UGT1A8: variants seen among roughly 807,000 people sequenced by gnomAD.
UGT1A8 encodes the protein UDP-glucuronosyltransferase 1A8.
In UGT1A8, 39 loss-of-function variants were observed where a neutral mutation model predicts 45.3. That is an observed-to-expected ratio of 0.86 (90% CI 0.67 to 1.12). The LOEUF (loss-of-function observed/expected upper bound fraction) is 1.12, where lower values mean the gene tolerates loss of function less well. Among genes scored for constraint, UGT1A8 ranks in the 50% most tolerant of loss-of-function variants. The pLI is 0.00. For synonymous variants in UGT1A8, 275 were observed against 249.2 expected, an observed-to-expected ratio of 1.10 and a Z score of -0.97; for missense variants, 719 against 664.9, an observed-to-expected ratio of 1.08 and a Z score of -0.90.
intron 1 of UGT1A8, among the ~76,000 whole-genome samples, chr2:233,656,730 TC>T (rs1163395093): frequency 2.6e-5 from 4 of 152,114 alleles, no homozygotes; most frequent in African/African-American, 9.7e-5. Context: ...CAGCCTTCTG[TC>T]CCGTCGTGGC....
At chr2:233,692,272 C>T (rs1301139885) in intron 1 of UGT1A8, 1 of 152,396 alleles carries the variant, frequency 6.6e-6, no homozygotes, top group Non-Finnish European at 1.5e-5. Context: ...TGTACTTTTT[C>T]CTCTGGCTAT....
chr2:233,700,401 A>G (rs1465367852), intron 1 of UGT1A8, among the ~76,000 whole-genome samples: 1 of 152,186 alleles, frequency 6.6e-6, no homozygotes, highest in Non-Finnish European at 1.5e-5. Flanking sequence ...ACATTTTGGC[A>G]GCAGTGTTTC....
At chr2:233,632,509 C>G (rs978740737) in intron 1 of UGT1A8, among the ~76,000 whole-genome samples, 1 of 152,106 alleles carries the variant, frequency 6.6e-6, no homozygotes. Context: ...CTCTTATTTA[C>G]TTGAGCAGTG....
chr2:233,732,433 A>G (rs1308918063), intron 1 of UGT1A8, among the ~76,000 whole-genome samples: 1 of 152,164 alleles, frequency 6.6e-6, no homozygotes, highest in African/African-American at 2.4e-5. Flanking sequence ...TAGGATTTTT[A>G]TGGTTTTAGG....
chr2:233,694,567 T>C (rs1308269202), intron 1 of UGT1A8, among the ~76,000 whole-genome samples: 1 of 152,220 alleles, frequency 6.6e-6, no homozygotes, highest in Non-Finnish European at 1.5e-5. Context: ...GAGTTTTAAA[T>C]TTCAATGTAA....
At chr2:233,746,624 G>C (rs934218336) in intron 1 of UGT1A8, among the ~76,000 whole-genome samples, 2 of 151,670 alleles carry the variant, frequency 1.3e-5, no homozygotes, top group Non-Finnish European at 2.9e-5. Context: ...CTCCTTTCAG[G>C]CAAGGACCAT....
intron 1 of UGT1A8, among the ~76,000 whole-genome samples, chr2:233,686,913 G>C (rs2074811848): frequency 6.6e-6 from 1 of 152,180 alleles, no homozygotes; most frequent in South Asian, 2.1e-4. Flanking sequence ...CAACAAGAAA[G>C]GGCATCCCAC....
rs958541757 is a variant in UGT1A8 at position 233,749,447 on chromosome 2, G to A, written c.856-17587G>A. Among the ~76,000 whole-genome samples, 14 of 151,852 alleles carry A rather than the reference G, an allele frequency of 9.2e-5. 1 individual carries two copies. Among genetic ancestry groups the A allele is most frequent in the African/African-American group, 3.4e-4 (14 of 41,136 alleles). ...AAAACTTCACTGTCATCTCAGTGGAGCAGAACGAATTGGGAACTGTGGCAC... is the reference window on the plus strand; with the variant it reads ...AAAACTTCACTGTCATCTCAGTGGAACAGAACGAATTGGGAACTGTGGCAC... On this transcript the variant is annotated intron_variant, in intron 1 of 4. Transcript: ENST00000373450.
chr2:233,756,691 G>A (rs1044916114), intron 1 of UGT1A8, among the ~76,000 whole-genome samples: 1 of 152,108 alleles, frequency 6.6e-6, no homozygotes, highest in Non-Finnish European at 1.5e-5. Flanking sequence ...ATATAATGAC[G>A]ATGAATTTTG....
intron 1 of UGT1A8, among the ~76,000 whole-genome samples, chr2:233,676,940 A>G (rs1443138810): frequency 6.6e-6 from 1 of 152,132 alleles, no homozygotes; most frequent in Non-Finnish European, 1.5e-5. Context: ...TCTATTTGTG[A>G]AATATTTGAT....
chr2:233,693,893 C>T (rs756262106), intron 1 of UGT1A8: 2 of 1,613,868 alleles, frequency 1.2e-6, no homozygotes, highest in East Asian at 2.2e-5. Flanking sequence ...TTTTGGACTG[C>T]CTTGTTTCTT....
At chr2:233,683,507 C>A (rs183620340) in intron 1 of UGT1A8, among the ~76,000 whole-genome samples, 95 of 152,102 alleles carry the variant, frequency 6.2e-4, no homozygotes, top group African/African-American at 2.2e-3. Flanking sequence ...AGGGTATCAT[C>A]CTATGAGTAT....
rs558793196 is a variant in UGT1A8, at chr2:233,687,763, G to A, written c.855+69201G>A. Among the ~76,000 whole-genome samples, 108 of 152,010 alleles carry A rather than the reference G, an allele frequency of 7.1e-4. 1 individual carries two copies. The highest frequency in any genetic ancestry group is 2.3e-3 in the African/African-American group (97 of 41,446). On this transcript the variant is annotated intron_variant, in intron 1 of 4. Transcript: ENST00000373450. ...ACAAAAAATGTTTTAAAAATTAGCT[G>A]GGCCTGGTGGCATATGCCTGTGGTC...
At chr2:233,761,970 T>C (rs1029002470) in intron 1 of UGT1A8, among the ~76,000 whole-genome samples, 6 of 152,224 alleles carry the variant, frequency 3.9e-5, no homozygotes, top group Non-Finnish European at 8.8e-5. Context: ...GGGACTGATA[T>C]CACCTTCGGA....
intron 1 of UGT1A8, chr2:233,747,304 G>A: frequency 6.2e-7 from 1 of 1,602,730 alleles, no homozygotes; most frequent in East Asian, 2.2e-5. Flanking sequence ...GAGTGGGAAG[G>A]TGCTGGTGGT....
chr2:233,719,370 G>T, intron 1 of UGT1A8: 1 of 1,613,830 alleles, frequency 6.2e-7, no homozygotes. Context: ...AGACTTTAAG[G>T]GCACACAGTG....
At chr2:233,722,560 G>C (rs2077022969) in intron 1 of UGT1A8, among the ~76,000 whole-genome samples, 1 of 152,082 alleles carries the variant, frequency 6.6e-6, no homozygotes, top group Non-Finnish European at 1.5e-5. Context: ...TGGTTGATTT[G>C]TAGCTGCTTT....
chr2:233,768,067 T>C, intron 3 of UGT1A8, 131 bp downstream of exon 3: 1 of 1,596,454 alleles, frequency 6.3e-7, no homozygotes, highest in Non-Finnish European at 8.5e-7. Context: ...GCTTTTTATC[T>C]AGTGGGGTAT....
At chr2:233,746,073 G>A (rs1049176727) in intron 1 of UGT1A8, among the ~76,000 whole-genome samples, 4 of 151,780 alleles carry the variant, frequency 2.6e-5, no homozygotes, top group Admixed American at 6.6e-5. Flanking sequence ...AAGAGAAGAG[G>A]AGTCACTTCT....
Sources: gnomAD v4.1 joint callset for allele counts (sites outside exome capture counted in the v4.1 genomes callset) on GRCh38, gnomAD v4.1.1 for gene constraint, MANE v1.5 for transcripts, NCBI Gene and HGNC (gene_info 2026-07-23, HGNC 2026-07-21) for gene names.